MAPKAP1: variants seen among roughly 807,000 people sequenced by gnomAD.
The protein encoded by MAPKAP1 is MAPK associated protein 1, also known as target of rapamycin complex 2 subunit MAPKAP1.
Under a neutral mutation model 65.7 loss-of-function variants are expected in MAPKAP1, and 20 were observed. That is an observed-to-expected ratio of 0.30 (90% CI 0.21 to 0.44). MAPKAP1 has a LOEUF of 0.44. Ranked by LOEUF, MAPKAP1 falls within the 20% of genes least tolerant of loss-of-function variation. The pLI is 1.00. For synonymous variants in MAPKAP1, 222 were observed against 244.3 expected, an observed-to-expected ratio of 0.91 and a Z score of 0.85; for missense variants, 423 against 648.0, an observed-to-expected ratio of 0.65 and a Z score of 3.77.
chr9:125,487,126 C>T lies in MAPKAP1; in HGVS notation c.1067-2543G>A, dbSNP rs531131718. Among the ~76,000 whole-genome samples the T allele has an allele frequency of 8.5e-5, 13 of 152,292 alleles. No individual in the cohort carries two copies. The South Asian group carries it at 2.5e-3, about 29-fold the overall frequency. On this transcript the variant is annotated intron_variant, in intron 8 of 11. Transcript: ENST00000265960. ...GCCATGTCCACAGGAAGGTGAGGGT[C>T]AAAGAGACAGAGTGACTTAACCAAC...
Position 125,534,695 on chromosome 9 carries a change from C to T in MAPKAP1, c.958+8364G>A, listed in dbSNP as rs144645356. Among the ~76,000 whole-genome samples the T allele has an allele frequency of 2.3e-3, 356 of 152,282 alleles. 1 individual carries two copies. Among genetic ancestry groups the T allele is most frequent in the Admixed American group, 5.1e-3 (78 of 15,298 alleles). ...ATATTGCCCTTCTTTCAATAGATCC[C>T]CTCTGCCATCAGAATAAAGTTCATA... On this transcript the variant is annotated intron_variant, in intron 7 of 11. Transcript: ENST00000265960.
intron 7 of MAPKAP1, among the ~76,000 whole-genome samples, chr9:125,524,430 T>C (rs1829706364): frequency 1.3e-5 from 2 of 152,260 alleles, no homozygotes; most frequent in Non-Finnish European, 2.9e-5. Context: ...TCTTAATACA[T>C]TAATACAATT....
intron 7 of MAPKAP1, among the ~76,000 whole-genome samples, chr9:125,527,681 G>A (rs1829812401): frequency 6.6e-6 from 1 of 151,966 alleles, no homozygotes; most frequent in African/African-American, 2.4e-5. Flanking sequence ...TTCTTTTTCT[G>A]CAATACAGTA....
At chr9:125,536,180 C>T in intron 7 of MAPKAP1, among the ~76,000 whole-genome samples, 1 of 152,092 alleles carries the variant, frequency 6.6e-6, no homozygotes, top group Admixed American at 6.6e-5. Context: ...TCCAGGCTTT[C>T]TAGATAAAAT....
intron 8 of MAPKAP1, 150 bp from the exon 9 acceptor site, chr9:125,484,733 G>T: frequency 1.4e-6 from 1 of 701,774 alleles, no homozygotes; most frequent in Non-Finnish European, 2.2e-6. Flanking sequence ...TGCCATTCCA[G>T]TAAACAGAGA....
intron 7 of MAPKAP1, chr9:125,521,372 T>G: frequency 1.4e-6 from 1 of 699,678 alleles, no homozygotes; most frequent in South Asian, 6.6e-5. Context: ...AAGAATCCAA[T>G]TTTTCAATCC....
chr9:125,465,966 C>T (rs1261852761), intron 10 of MAPKAP1, among the ~76,000 whole-genome samples: 3 of 152,178 alleles, frequency 2.0e-5, no homozygotes, highest in African/African-American at 7.2e-5. Context: ...CAAGTAGTTA[C>T]AGTGACCACA....
At chr9:125,469,489 A>G (rs1423795059) in intron 9 of MAPKAP1, among the ~76,000 whole-genome samples, 2 of 152,246 alleles carry the variant, frequency 1.3e-5, no homozygotes, top group Non-Finnish European at 2.9e-5. Context: ...TTATGAATAA[A>G]TAAATCCCAA....
At chr9:125,554,544 A>ACCGC (rs1227080478) in intron 6 of MAPKAP1, among the ~76,000 whole-genome samples, 1,652 of 152,278 alleles carry the variant, frequency 0.011, 32 homozygotes, top group African/African-American at 0.037. Flanking sequence ...CATGCCTGTA[A>ACCGC]TCCTAACACT....
chr9:125,674,815 G>A (rs947396689), intron 1 of MAPKAP1, among the ~76,000 whole-genome samples: 3 of 152,112 alleles, frequency 2.0e-5, no homozygotes, highest in Non-Finnish European at 2.9e-5. Context: ...AAATGCAAAG[G>A]TGAGTAAGGT....
intron 1 of MAPKAP1, among the ~76,000 whole-genome samples, chr9:125,698,310 TA>T (rs1835481013): frequency 2.2e-5 from 1 of 45,134 alleles, no homozygotes; most frequent in Non-Finnish European, 4.9e-5. Context: ...TATATATATA[TA>T]TATATATATA....
At chr9:125,652,369 C>T in intron 4 of MAPKAP1, 1 of 678,828 alleles carries the variant, frequency 1.5e-6, no homozygotes, top group Non-Finnish European at 1.9e-6. Flanking sequence ...TTAATTTTCA[C>T]TTCAGGCTCG....
chr9:125,478,766 G>A (rs940241340), intron 9 of MAPKAP1, among the ~76,000 whole-genome samples: 1 of 152,114 alleles, frequency 6.6e-6, no homozygotes, highest in Non-Finnish European at 1.5e-5. Context: ...TGGGAGAGTT[G>A]GTACTAACAG....
intron 4 of MAPKAP1, among the ~76,000 whole-genome samples, chr9:125,609,753 T>C (rs1209996031): frequency 6.6e-6 from 1 of 152,190 alleles, no homozygotes; most frequent in Non-Finnish European, 1.5e-5. Context: ...AATTTTACAC[T>C]ACTCCATGTA....
intron 4 of MAPKAP1, among the ~76,000 whole-genome samples, chr9:125,615,850 G>A (rs1051295297): frequency 1.3e-5 from 2 of 151,760 alleles, no homozygotes; most frequent in East Asian, 1.9e-4. Context: ...AGAGGCGGAT[G>A]TTGCAGTGAG....
At chr9:125,706,326 C>A (rs1284757694) in intron 1 of MAPKAP1, among the ~76,000 whole-genome samples, 2 of 152,068 alleles carry the variant, frequency 1.3e-5, no homozygotes, top group Non-Finnish European at 2.9e-5. Flanking sequence ...GGGTTTATAA[C>A]AACATGGTGC....
intron 5 of MAPKAP1, among the ~76,000 whole-genome samples, chr9:125,564,882 C>A (rs552656511): frequency 1.4e-4 from 22 of 152,136 alleles, no homozygotes; most frequent in Admixed American, 2.6e-4. Flanking sequence ...CAGAGAAAGA[C>A]GAATGATCAA....
chr9:125,577,070 TGAG>T (rs1371160406), intron 5 of MAPKAP1, among the ~76,000 whole-genome samples: 4 of 146,076 alleles, frequency 2.7e-5, no homozygotes, highest in East Asian at 2.0e-4. Context: ...ATCTAGGAAG[TGAG>T]GAGCGCCTCT....
chr9:125,590,267 C>T (rs988089546), intron 4 of MAPKAP1, among the ~76,000 whole-genome samples: 1 of 152,128 alleles, frequency 6.6e-6, no homozygotes, highest in Non-Finnish European at 1.5e-5. Flanking sequence ...AAATTCGACC[C>T]ATTTCTATTA....
Sources: allele counts gnomAD v4.1 joint callset (sites outside exome capture counted in the v4.1 genomes callset), GRCh38; gene constraint gnomAD v4.1.1; transcripts MANE v1.5; gene names NCBI Gene and HGNC (gene_info 2026-07-23, HGNC 2026-07-21).